The following NETO1 variants were observed in gnomAD, a reference collection of about 807,000 sequenced individuals.
NETO1 encodes neuropilin and tolloid-like protein 1.
In NETO1, 26 loss-of-function variants were observed where a neutral mutation model predicts 61.3. The ratio of observed to expected loss-of-function variants is 0.42; its 90% confidence interval spans 0.31 to 0.59. The LOEUF (loss-of-function observed/expected upper bound fraction) is 0.59, where lower values mean the gene tolerates loss of function less well. Among genes scored for constraint, NETO1 ranks in the 20% least tolerant of loss-of-function variants. The probability of loss-of-function intolerance (pLI) is 0.12; values close to 1 mark genes in which losing one functional copy is unlikely to be tolerated. For synonymous variants in NETO1, 225 were observed against 225.8 expected (o/e 1.00, Z 0.03); for missense variants, 531 against 662.8 (o/e 0.80, Z 2.18).
chr18:72,782,804 CA>C lies in NETO1; in HGVS notation c.868+873del, dbSNP rs199542848. On this transcript the variant is annotated intron_variant, in intron 7 of 10. Transcript: ENST00000327305. ...GGGCAACAAGAGCAAAACTCCATCT[CA>C]AAAAAAAATAATAATAAATACATAA... 3.1e-3 allele frequency among the ~76,000 whole-genome samples: 458 copies of C among 150,116 alleles called. 1 individual carries two copies. The highest frequency in any genetic ancestry group is 0.01 in the Middle Eastern group (3 of 292).
intron 4 of NETO1, among the ~76,000 whole-genome samples, chr18:72,802,997 A>G (rs574281879): frequency 5.9e-5 from 9 of 152,274 alleles, no homozygotes; most frequent in Non-Finnish European, 1.2e-4. Flanking sequence ...GAATTGTGTG[A>G]GTTACTCATT....
chr18:72,778,578 T>A (rs1310402861), intron 7 of NETO1, among the ~76,000 whole-genome samples: 1 of 152,168 alleles, frequency 6.6e-6, no homozygotes, highest in Non-Finnish European at 1.5e-5. Context: ...TAAACACAAT[T>A]CTGCCATATT....
chr18:72,824,992 A>G (rs1358269553), intron 4 of NETO1, among the ~76,000 whole-genome samples: 2 of 152,220 alleles, frequency 1.3e-5, no homozygotes, highest in Non-Finnish European at 2.9e-5. Flanking sequence ...ATTCTTGTAG[A>G]AGGCAAAATA....
At position 72,794,243 on chromosome 18, in the gene NETO1, C is replaced by T. The variant is rs191705126; in HGVS notation, c.513G>A (p.Ala171=). The change falls in exon 6 of 11, where the codon GCG becomes GCA. Residue 171 remains alanine (A), a splice_region_variant and synonymous_variant. Transcript: ENST00000327305. ...KDLGALKPLP[A]CEFEMGGSEG... is the part of the protein sequence containing the mutation. ...CGGAACCGCCCATCTCAAACTCACA[C>T]GCTAAATAACAAAATGCCAAACAAA... The T allele has an allele frequency of 5.8e-4, 932 of 1,614,092 alleles. 8 individuals are homozygous for T. The highest frequency in any genetic ancestry group is 5.8e-4 in the East Asian group (26 of 44,872).
chr18:72,748,254 T>C (rs1410876717), intron 10 of NETO1, 90 bp from the exon 11 acceptor site: 1 of 982,424 alleles, frequency 1.0e-6, no homozygotes, highest in Non-Finnish European at 1.2e-6. Context: ...AGCATGGAAA[T>C]GCATTCACCT....
At chr18:72,812,546 G>A (rs556598643) in intron 4 of NETO1, among the ~76,000 whole-genome samples, 1 of 152,212 alleles carries the variant, frequency 6.6e-6, no homozygotes, top group South Asian at 2.1e-4. Flanking sequence ...AAATGACCAA[G>A]GTCACATCAA....
At chr18:72,837,235 G>T (rs11661883) in intron 4 of NETO1, among the ~76,000 whole-genome samples, 146,048 of 152,096 alleles carry the variant, frequency 0.96, 70,211 homozygotes, top group Non-Finnish European at 0.99. Context: ...GCAAATGAGC[G>T]CAAGTTTGGA....
chr18:72,763,607 AC>A (rs1186829145), intron 7 of NETO1, among the ~76,000 whole-genome samples: 6 of 151,768 alleles, frequency 4.0e-5, no homozygotes, highest in Non-Finnish European at 5.9e-5. Context: ...ACAAACACAC[AC>A]ACCATTCACA....
rs555017907 is a variant in NETO1, at chr18:72,852,814, C to T, written c.469+6012G>A. Among the ~76,000 whole-genome samples, 23 of 149,662 alleles carry T rather than the reference C, an allele frequency of 1.5e-4. No homozygotes were observed. The South Asian group carries it at 4.7e-3, about 30-fold the overall frequency. On this transcript the variant is annotated intron_variant, in intron 4 of 10. Coordinates refer to ENST00000327305, the MANE Select transcript of NETO1 (RefSeq NM_138966.5). Reference sequence around the variant, plus strand: ...TCTTGATTATTCAAAAATATCAATACATTGATAATTTTCTTTTTCTTTTTT... The same window carrying T: ...TCTTGATTATTCAAAAATATCAATATATTGATAATTTTCTTTTTCTTTTTT...
At position 72,744,912 on chromosome 18, in the gene NETO1, C is replaced by T. The variant is rs959203324; in HGVS notation, c.*3267G>A. ...TTAAAGCTGTAAAATTTGAGGAAGA[C>T]CCGAATTAAATTCCTAAGGGAAAAA... On this transcript the variant is annotated 3_prime_UTR_variant, in exon 11 of 11. Coordinates refer to ENST00000327305, the MANE Select transcript of NETO1 (RefSeq NM_138966.5). 2 of 151,952 alleles carry T rather than the reference C, an allele frequency of 1.3e-5. No individual in the cohort carries two copies. The highest frequency in any genetic ancestry group is 4.8e-5 in the African/African-American group (2 of 41,346). The allele number at this position is 151,952 out of a possible 1,614,324, so 9.4% of individuals were successfully genotyped here.
At chr18:72,822,363 G>A (rs1232685309) in intron 4 of NETO1, among the ~76,000 whole-genome samples, 3 of 152,110 alleles carry the variant, frequency 2.0e-5, no homozygotes, top group African/African-American at 7.2e-5. Context: ...CTGGGAAAGC[G>A]GGCACTGGGC....
In NETO1 at chr18:72,794,204, C is replaced by T. The variant is rs765577655; in HGVS notation, c.552G>A (p.Glu184=). ...FEMGGSEGIV[E]SIQIMKEGKA... is the part of the protein sequence containing the mutation. ...TGCCTTCCTTCATAATTTGTATAGA[C>T]TCCACAATTCCTTCGGAACCGCCCA... is the stretch of plus-strand genomic sequence containing the variant. The change falls in exon 6 of 11, where the codon GAG becomes GAA. Residue 184 remains glutamate (E), a synonymous_variant. Coordinates refer to ENST00000327305, the MANE Select transcript of NETO1 (RefSeq NM_138966.5). 21 of 1,614,082 alleles carry T rather than the reference C, an allele frequency of 1.3e-5. No homozygotes were observed. The highest frequency in any genetic ancestry group is 1.1e-4 in the East Asian group (5 of 44,896).
intron 7 of NETO1, among the ~76,000 whole-genome samples, chr18:72,768,090 C>A (rs1399138927): frequency 6.6e-6 from 1 of 152,116 alleles, no homozygotes. Context: ...CATTGTAATT[C>A]CATTTCAGAT....
chr18:72,819,739 T>C (rs1024454658), intron 4 of NETO1, among the ~76,000 whole-genome samples: 1 of 152,008 alleles, frequency 6.6e-6, no homozygotes, highest in Admixed American at 6.6e-5. Flanking sequence ...TACCAAAAAA[T>C]AATATTAAAC....
chr18:72,812,438 C>T (rs915794821), intron 4 of NETO1, among the ~76,000 whole-genome samples: 1 of 152,204 alleles, frequency 6.6e-6, no homozygotes. Flanking sequence ...CTGTGATTTT[C>T]GCCAACGTCA....
intron 3 of NETO1, among the ~76,000 whole-genome samples, chr18:72,859,287 T>A (rs2074498641): frequency 6.6e-6 from 1 of 152,202 alleles, no homozygotes; most frequent in South Asian, 2.1e-4. Context: ...TGATGTTGCA[T>A]AAAATATTAT....
intron 4 of NETO1, among the ~76,000 whole-genome samples, chr18:72,856,361 C>T (rs539561662): frequency 1.1e-4 from 17 of 152,236 alleles, no homozygotes; most frequent in African/African-American, 2.4e-4. Context: ...GAATTTTGTG[C>T]ACCCACCTAA....
intron 7 of NETO1, among the ~76,000 whole-genome samples, chr18:72,759,388 A>G (rs924825928): frequency 2.6e-5 from 4 of 152,122 alleles, no homozygotes; most frequent in Non-Finnish European, 5.9e-5. Context: ...TCTTTTTTGT[A>G]TATATTTGAG....
At chr18:72,769,860 T>C (rs1221426671) in intron 7 of NETO1, among the ~76,000 whole-genome samples, 1 of 152,052 alleles carries the variant, frequency 6.6e-6, no homozygotes, top group Non-Finnish European at 1.5e-5. Context: ...ATTTAACCAA[T>C]CTACTTAAGC....
Sources: allele counts gnomAD v4.1 joint callset (sites outside exome capture counted in the v4.1 genomes callset), GRCh38; gene constraint gnomAD v4.1.1; transcripts MANE v1.5; gene names NCBI Gene and HGNC (gene_info 2026-07-23, HGNC 2026-07-21).